KCNK10: variants seen among roughly 807,000 people sequenced by gnomAD.
KCNK10 encodes the protein potassium two pore domain channel subfamily K member 10.
A neutral mutation model predicts 47.7 loss-of-function variants in KCNK10; 25 were observed. That is an observed-to-expected ratio of 0.52 (90% CI 0.38 to 0.73). The LOEUF (loss-of-function observed/expected upper bound fraction) is 0.73, where lower values mean the gene tolerates loss of function less well. KCNK10 is among the 30% of genes least tolerant of loss of function. The pLI is 0.00. For synonymous variants in KCNK10, 303 were observed against 285.6 expected (o/e 1.06, Z -0.61); for missense variants, 563 against 714.5 (o/e 0.79, Z 2.42).
chr14:88,233,429 C>A (rs914543696), intron 3 of KCNK10, among the ~76,000 whole-genome samples: 29 of 152,182 alleles, frequency 1.9e-4, no homozygotes, highest in Admixed American at 1.9e-3. Flanking sequence ...GATCATATGT[C>A]CATCTTTGAA....
intron 1 of KCNK10, among the ~76,000 whole-genome samples, chr14:88,281,830 T>TTGTGTGTGTGTG (rs10541411): frequency 2.7e-5 from 4 of 148,436 alleles, no homozygotes; most frequent in Admixed American, 2.7e-4. Flanking sequence ...CAAGATACAT[T>TTGTGTGTGTGTG]TGTGTGTGTG....
intron 4 of KCNK10, among the ~76,000 whole-genome samples, chr14:88,201,636 G>A (rs148287767): frequency 6.6e-6 from 1 of 152,012 alleles, no homozygotes; most frequent in Non-Finnish European, 1.5e-5. Flanking sequence ...CTCCATCCTG[G>A]GCAACAGAGT....
Position 88,240,740 on chromosome 14 carries a change from AC to A in KCNK10, c.482del (p.Ser161MetfsTer13). On this transcript the variant is annotated frameshift_variant, in exon 3 of 7. Coordinates refer to ENST00000319231, the MANE Select transcript of KCNK10 (RefSeq NM_138317.3). LOFTEE classifies it high-confidence loss of function. ...TGACAGTTCCAGCAAAGAAAAAGGCACTGCCGAGGTCCCAGTGGCTGCTGTT... is the reference window on the plus strand; with the variant it reads ...TGACAGTTCCAGCAAAGAAAAAGGCATGCCGAGGTCCCAGTGGCTGCTGTT... The part of the protein sequence containing the change: ...SNNSSHWDLG[S>X]AFFFAGTVIT... The A allele has an allele frequency of 6.2e-7, 1 of 1,613,760 alleles. No homozygotes were observed. Among genetic ancestry groups the A allele is most frequent in the Non-Finnish European group, 8.5e-7 (1 of 1,179,676 alleles).
chr14:88,301,552 G>A (rs192547897), intron 1 of KCNK10, among the ~76,000 whole-genome samples: 4 of 151,804 alleles, frequency 2.6e-5, no homozygotes, highest in African/African-American at 4.8e-5. Flanking sequence ...AGGAGTGGGC[G>A]GTTAGAGAAA....
chr14:88,319,613 C>T (rs1229886020), intron 1 of KCNK10, among the ~76,000 whole-genome samples: 1 of 152,102 alleles, frequency 6.6e-6, no homozygotes, highest in Non-Finnish European at 1.5e-5. Context: ...AAGCTTGAGC[C>T]ACTGTCTCCT....
chr14:88,255,158 C>T (rs1886912087), intron 2 of KCNK10, among the ~76,000 whole-genome samples: 1 of 152,154 alleles, frequency 6.6e-6, no homozygotes, highest in Non-Finnish European at 1.5e-5. Context: ...AATCATGTTT[C>T]CTTCTCCCTC....
intron 4 of KCNK10, among the ~76,000 whole-genome samples, chr14:88,216,154 G>A (rs781019586): frequency 5.3e-5 from 8 of 152,178 alleles, no homozygotes; most frequent in South Asian, 4.1e-4. Context: ...TCTCATTCCC[G>A]GAGTATAAAA....
intron 1 of KCNK10, among the ~76,000 whole-genome samples, chr14:88,267,508 C>A (rs1887294952): frequency 6.6e-6 from 1 of 151,768 alleles, no homozygotes; most frequent in Non-Finnish European, 1.5e-5. Flanking sequence ...GTAGCTGGGA[C>A]TACAGGCGTG....
At chr14:88,268,742 T>C (rs1887334999) in intron 1 of KCNK10, among the ~76,000 whole-genome samples, 1 of 152,240 alleles carries the variant, frequency 6.6e-6, no homozygotes, top group Non-Finnish European at 1.5e-5. Flanking sequence ...AGTAATGGCC[T>C]ATCACACTTC....
At position 88,186,376 on chromosome 14, in the gene KCNK10, G is replaced by T. The variant is rs984180790; in HGVS notation, c.1012-221C>A. Among the ~76,000 whole-genome samples, 5 of 152,144 alleles carry T rather than the reference G, an allele frequency of 3.3e-5. No homozygotes were observed. The highest frequency in any genetic ancestry group is 9.7e-5 in the African/African-American group (4 of 41,426). On this transcript the variant is annotated intron_variant, in intron 6 of 6. Coordinates refer to ENST00000319231, the MANE Select transcript of KCNK10 (RefSeq NM_138317.3). The surrounding 1 kb of genome is among the most constrained non-coding windows in gnomAD (Gnocchi z 5.5). ...TAAGGTGGCTCAGGGAGACACACGT[G>T]GTGGGCAACCCCAAGAAGCCTCAGA...
chr14:88,319,187 T>A (rs1888491014), intron 1 of KCNK10, among the ~76,000 whole-genome samples: 1 of 152,180 alleles, frequency 6.6e-6, no homozygotes, highest in South Asian at 2.1e-4. Context: ...TGGGTCTTGT[T>A]TTTACCTACA....
At chr14:88,255,880 A>T (rs145201101) in intron 2 of KCNK10, among the ~76,000 whole-genome samples, 1 of 152,242 alleles carries the variant, frequency 6.6e-6, no homozygotes, top group African/African-American at 2.4e-5. Flanking sequence ...AATAAAAAAA[A>T]GTACCTACTT....
rs1431639414 is a variant in KCNK10 at position 88,185,862 on chromosome 14, C to G, written c.1305G>C (p.Gln435His). The G allele has an allele frequency of 6.2e-7, 1 of 1,614,178 alleles. No homozygotes were observed. The change falls in exon 7 of 7, where the codon CAG (glutamine) becomes CAC (histidine). Residue 435 changes from glutamine to histidine, a missense_variant. Coordinates refer to ENST00000319231, the MANE Select transcript of KCNK10 (RefSeq NM_138317.3). This position sits in a 1 kb window ranked among gnomAD's most constrained non-coding sequence, Gnocchi z 4.3. The stretch of plus-strand genomic sequence containing the variant: ...ACGCACCCTGCCCATGCTTGTTCAG[C>G]TGCTCCGGCCCCTTCAGGCGCAGGT... ...PNNLRLKGPE[Q>H]LNKHGQGASE...
chr14:88,187,866 C>A (rs1884621898), intron 6 of KCNK10, 101 bp downstream of exon 6: 128 of 1,229,746 alleles, frequency 1.0e-4, no homozygotes, highest in Non-Finnish European at 1.3e-4. Context: ...CCCTGCAAAA[C>A]CGAGCCAGAA....
chr14:88,205,557 T>C (rs1885244455), intron 4 of KCNK10, among the ~76,000 whole-genome samples: 1 of 146,444 alleles, frequency 6.8e-6, no homozygotes, highest in African/African-American at 2.5e-5. Flanking sequence ...TTTTTTTTTT[T>C]TTTTTGAGAT....
intron 4 of KCNK10, among the ~76,000 whole-genome samples, chr14:88,217,765 C>A (rs1885670117): frequency 6.6e-6 from 1 of 152,016 alleles, no homozygotes; most frequent in Non-Finnish European, 1.5e-5. Context: ...CTCTGTCACC[C>A]AGGCTGGAGT....
intron 5 of KCNK10, 55 bp from the exon 6 acceptor site, chr14:88,188,164 G>T (rs891607344): frequency 3.3e-5 from 52 of 1,573,064 alleles, no homozygotes; most frequent in Non-Finnish European, 3.9e-5. Flanking sequence ...TCTTTGCAGA[G>T]AACACATATT....
At chr14:88,215,766 CAG>C (rs980181575) in intron 4 of KCNK10, among the ~76,000 whole-genome samples, 6 of 152,034 alleles carry the variant, frequency 3.9e-5, no homozygotes, top group Admixed American at 2.0e-4. Context: ...GACAGAGAGA[CAG>C]AGAGAGACTC....
intron 4 of KCNK10, among the ~76,000 whole-genome samples, chr14:88,196,796 A>G (rs1275570634): frequency 6.6e-6 from 1 of 152,248 alleles, no homozygotes; most frequent in Non-Finnish European, 1.5e-5. Context: ...CAAAATGGAA[A>G]GATGATGGGA....
Sources: gnomAD v4.1 joint callset for allele counts (sites outside exome capture counted in the v4.1 genomes callset) on GRCh38, gnomAD v4.1.1 for gene constraint, Gnocchi (gnomAD v3.1) non-coding constraint, MANE v1.5 for transcripts, NCBI Gene and HGNC (gene_info 2026-07-23, HGNC 2026-07-21) for gene names.